RAB14: variants seen among roughly 807,000 people sequenced by gnomAD.
RAB14 encodes ras-related protein Rab-14.
A neutral mutation model predicts 31.1 loss-of-function variants in RAB14; 3 were observed. The ratio of observed to expected loss-of-function variants is 0.10; its 90% CI spans 0.04 to 0.25. The LOEUF (loss-of-function observed/expected upper bound fraction) is 0.25. RAB14 is among the 10% of genes least tolerant of loss of function. RAB14 has a pLI of 1.00. For missense variants in RAB14, 111 were observed against 260.1 expected (o/e 0.43, Z 3.94); for synonymous variants, 85 against 84.9 (o/e 1.00, Z 0.00).
chr9:121,192,878 A>G (rs968260066), intron 2 of RAB14, among the ~76,000 whole-genome samples: 12 of 152,178 alleles, frequency 7.9e-5, no homozygotes, highest in South Asian at 4.1e-4. Flanking sequence ...ATGTTTGGAT[A>G]AATAGCATTA....
intron 1 of RAB14, among the ~76,000 whole-genome samples, chr9:121,195,695 C>T (rs547785111): frequency 6.5e-4 from 99 of 152,000 alleles, no homozygotes; most frequent in Non-Finnish European, 1.1e-3. Flanking sequence ...TTTTCTTGCT[C>T]GTTTCTTTAA....
intron 1 of RAB14, among the ~76,000 whole-genome samples, chr9:121,197,894 A>C (rs2079652223): frequency 6.6e-6 from 1 of 152,184 alleles, no homozygotes; most frequent in Non-Finnish European, 1.5e-5. Flanking sequence ...TATAATACAA[A>C]ATAATATCCA....
intron 2 of RAB14, 96 bp downstream of exon 2, chr9:121,193,261 ATCAC>A (rs2053696510): frequency 1.3e-6 from 1 of 758,372 alleles, no homozygotes; most frequent in Non-Finnish European, 2.1e-6. Flanking sequence ...CAGTAAGAAA[ATCAC>A]TCAGTCCTGA....
rs1157906121 is a variant in RAB14, at chr9:121,183,406, G to A, written c.352-8C>T. 5 of 1,574,600 alleles carry A rather than the reference G, an allele frequency of 3.2e-6. No individual in the cohort carries two copies. Among genetic ancestry groups the A allele is most frequent in the Non-Finnish European group, 4.3e-6 (5 of 1,149,588 alleles). On this transcript the variant is annotated splice_polypyrimidine_tract_variant and splice_region_variant and intron_variant, in intron 5 of 7. Coordinates refer to ENST00000373840, the MANE Select transcript of RAB14 (RefSeq NM_016322.4). ...TCCTATGAGAATTATTACCTAATTT[G>A]TGATCAAAAGAAAGACACCTTGTAA...
At chr9:121,182,708 C>T (rs1266669893) in intron 7 of RAB14, among the ~76,000 whole-genome samples, 1 of 152,184 alleles carries the variant, frequency 6.6e-6, no homozygotes, top group Non-Finnish European at 1.5e-5. Flanking sequence ...GGGTTACCAA[C>T]AGGCATAATC....
intron 7 of RAB14, 28 bp downstream of exon 7, chr9:121,182,902 G>C (rs1198701679): frequency 2.5e-6 from 4 of 1,585,564 alleles, no homozygotes; most frequent in Non-Finnish European, 3.5e-6. Flanking sequence ...GAATATAATT[G>C]AAATATCTGT....
rs899610277 is a variant in RAB14, at chr9:121,180,768, A to C, written c.*628T>G. 5.2e-5 allele frequency: 8 copies of C among 152,650 alleles called. No individual in the cohort carries two copies. The highest frequency in any genetic ancestry group is 1.9e-4 in the African/African-American group (8 of 41,452). The allele number at this position is 152,650 out of a possible 1,614,324, so 9.5% of individuals were successfully genotyped here. On this transcript the variant is annotated 3_prime_UTR_variant, in exon 8 of 8. Transcript: ENST00000373840. Reference sequence around the variant, plus strand: ...CATATTTACTTTCTGTTAAAGAGAAAAGGATAAAATGGTATAAAAAAAGAT... The same window carrying C: ...CATATTTACTTTCTGTTAAAGAGAACAGGATAAAATGGTATAAAAAAAGAT...
chr9:121,189,555 TAATTA>T (rs2053675722), intron 4 of RAB14, among the ~76,000 whole-genome samples: 1 of 152,122 alleles, frequency 6.6e-6, no homozygotes, highest in Admixed American at 6.6e-5. Context: ...ACTATAATTA[TAATTA>T]GTCAATATCT....
intron 5 of RAB14, among the ~76,000 whole-genome samples, chr9:121,186,105 A>C (rs950487998): frequency 7.9e-5 from 12 of 152,150 alleles, no homozygotes; most frequent in African/African-American, 2.4e-4. Flanking sequence ...TGTTCCTGAG[A>C]AACTCAAGTC....
chr9:121,194,648 C>G (rs1280125309), intron 1 of RAB14, among the ~76,000 whole-genome samples: 3 of 152,084 alleles, frequency 2.0e-5, no homozygotes, highest in Non-Finnish European at 4.4e-5. Flanking sequence ...ATTTTTAAGC[C>G]TGGCTTTTAG....
chr9:121,185,640 T>A (rs148628349), intron 5 of RAB14, among the ~76,000 whole-genome samples: 1 of 152,344 alleles, frequency 6.6e-6, no homozygotes, highest in African/African-American at 2.4e-5. Flanking sequence ...GAATGTTTTC[T>A]AAATGAAATC....
rs56275636 is a variant in RAB14, at chr9:121,194,090, T to TCACACACACACACACA, written c.-7-672_-7-671insTGTGTGTGTGTGTGTG. Among the ~76,000 whole-genome samples, 398 of 141,352 alleles carry TCACACACACACACACA rather than the reference T, an allele frequency of 2.8e-3. 3 individuals carry two copies. Among genetic ancestry groups the TCACACACACACACACA allele is most frequent in the East Asian group, 8.2e-3 (39 of 4,776 alleles). The allele number at this position is 141,352 out of a possible 152,430, so 92.7% of individuals were successfully genotyped here. ...AACCTAATACAGGACTTGCAGATTATCACTCACACACACACACACACACAC... is the reference window on the plus strand; with the variant it reads ...AACCTAATACAGGACTTGCAGATTATCACACACACACACACACACTCACACACACACACACACACAC... On this transcript the variant is annotated intron_variant, in intron 1 of 7. Coordinates refer to ENST00000373840, the MANE Select transcript of RAB14 (RefSeq NM_016322.4).
In RAB14 at chr9:121,180,569, C is replaced by T. The variant is rs1233507566; in HGVS notation, c.*827G>A. ...GGGTGGAGCCAGTACTACTTGTGAA[C>T]TGCAGTTGTGTCTATTTCTTTGTGT... is the stretch of plus-strand genomic sequence containing the variant. On this transcript the variant is annotated 3_prime_UTR_variant, in exon 8 of 8. Transcript: ENST00000373840. 1 of 152,630 alleles carries T rather than the reference C, an allele frequency of 6.6e-6. No individual in the cohort carries two copies. Among genetic ancestry groups the T allele is most frequent in the African/African-American group, 2.4e-5 (1 of 41,440 alleles). The allele number at this position is 152,630 out of a possible 1,614,324, so 9.5% of individuals were successfully genotyped here.
chr9:121,179,013 T>TA lies in RAB14; in HGVS notation c.*2382dup, dbSNP rs2053617061. Reference sequence around the variant, plus strand: ...TACAGGGGATTACACATGCATATGATAGAATCTGGCTCCCGGTACAGTCAA... The same window carrying TA: ...TACAGGGGATTACACATGCATATGATAAGAATCTGGCTCCCGGTACAGTCAA... On this transcript the variant is annotated 3_prime_UTR_variant, in exon 8 of 8. Coordinates refer to ENST00000373840, the MANE Select transcript of RAB14 (RefSeq NM_016322.4). 6.6e-6 allele frequency: 1 copy of TA among 152,214 alleles called. No homozygotes were observed. Among genetic ancestry groups the TA allele is most frequent in the African/African-American group, 2.4e-5 (1 of 41,462 alleles). 9.4% of individuals were successfully genotyped at this position (152,214 alleles called of 1,614,324 possible).
chr9:121,180,481 G>A lies in RAB14; in HGVS notation c.*915C>T, dbSNP rs933522862. Reference sequence around the variant, plus strand: ...CAAAGATGGAACAGAATCTGCTAGTGTTAATCCTCTGATGCTAGGAGCTCT... The same window carrying A: ...CAAAGATGGAACAGAATCTGCTAGTATTAATCCTCTGATGCTAGGAGCTCT... On this transcript the variant is annotated 3_prime_UTR_variant, in exon 8 of 8. Coordinates refer to ENST00000373840, the MANE Select transcript of RAB14 (RefSeq NM_016322.4). 2 of 152,678 alleles carry A rather than the reference G, an allele frequency of 1.3e-5. No homozygotes were observed. Among genetic ancestry groups the A allele is most frequent in the African/African-American group, 4.8e-5 (2 of 41,474 alleles). 9.5% of individuals were successfully genotyped at this position (152,678 alleles called of 1,614,324 possible).
rs780605050 is a variant in RAB14 at position 121,178,530 on chromosome 9, T to A, written c.*2866A>T. On this transcript the variant is annotated 3_prime_UTR_variant, in exon 8 of 8. Coordinates refer to ENST00000373840, the MANE Select transcript of RAB14 (RefSeq NM_016322.4). ...GAATGAACTGAACCACTCATTTTTT[T>A]AAAATCACACTTAAAAGACACATGG... 7 of 152,608 alleles carry A rather than the reference T, an allele frequency of 4.6e-5. No individual in the cohort carries two copies. Among genetic ancestry groups the A allele is most frequent in the South Asian group, 4.1e-4 (2 of 4,832 alleles). 9.5% of individuals were successfully genotyped at this position (152,608 alleles called of 1,614,324 possible).
intron 5 of RAB14, among the ~76,000 whole-genome samples, chr9:121,184,390 C>A (rs2053648844): frequency 6.6e-6 from 1 of 152,098 alleles, no homozygotes; most frequent in Non-Finnish European, 1.5e-5. Context: ...AATATGTACC[C>A]TTGGGAAACA....
At chr9:121,198,807 C>T (rs1209047952) in intron 1 of RAB14, among the ~76,000 whole-genome samples, 1 of 152,028 alleles carries the variant, frequency 6.6e-6, no homozygotes, top group East Asian at 1.9e-4. Context: ...CTTTAGAGGC[C>T]CACTAAAATG....
chr9:121,201,697 GAACA>G lies in RAB14; in HGVS notation c.-70_-67del, dbSNP rs2053787716. The G allele has an allele frequency of 1.3e-5, 2 of 152,856 alleles. No individual in the cohort carries two copies. The highest frequency in any genetic ancestry group is 4.8e-5 in the African/African-American group (2 of 41,420). 9.5% of individuals were successfully genotyped at this position (152,856 alleles called of 1,614,324 possible). A position where few individuals can be genotyped will look rare whatever the true frequency, so the allele number is the denominator to read the frequency against. On this transcript the variant is annotated 5_prime_UTR_variant, in exon 1 of 8. Coordinates refer to ENST00000373840, the MANE Select transcript of RAB14 (RefSeq NM_016322.4). ...GGCGGGAGGGGGGCGTCAGGACCAG[GAACA>G]GGAGTGCGGACGCAGCGGGAGAGGG...
Sources: allele counts gnomAD v4.1 joint callset (sites outside exome capture counted in the v4.1 genomes callset), GRCh38; gene constraint gnomAD v4.1.1; transcripts MANE v1.5; gene names NCBI Gene and HGNC (gene_info 2026-07-23, HGNC 2026-07-21).